SYS1: variants seen among roughly 807,000 people sequenced by gnomAD.
SYS1 encodes the protein protein SYS1 homolog.
SYS1 carries 8 observed loss-of-function variants against 17.8 expected under a neutral mutation model. That is an observed-to-expected ratio of 0.45 (90% CI 0.26 to 0.81). SYS1 has a LOEUF of 0.81. SYS1 is among the 40% of genes least tolerant of loss of function. The pLI, the probability that SYS1 is intolerant of heterozygous loss-of-function variation, is 0.16. For synonymous variants in SYS1, 95 were observed against 90.9 expected (o/e 1.05, Z -0.26); for missense variants, 161 against 203.9 (o/e 0.79, Z 1.28).
rs766710966 is a variant in SYS1 at position 45,363,622 on chromosome 20, G to A, written c.91G>A (p.Gly31Ser). ...LMQTVYYGSL[G>S]LWLALVDGLV... is the part of the protein sequence containing the mutation. The stretch of plus-strand genomic sequence containing the variant: ...GCAGACCGTGTATTACGGCTCGCTG[G>A]GCCTGTGGCTGGCGCTGGTGGACGG... The change falls in exon 2 of 4, where the codon GGC becomes AGC. Residue 31 changes from glycine (G) to serine (S), a missense_variant. Physicochemically the swap from Gly to Ser is moderately conservative, Grantham distance 56. Coordinates refer to ENST00000243918, the MANE Select transcript of SYS1 (RefSeq NM_033542.4). 1 of 1,589,562 alleles carries A rather than the reference G, an allele frequency of 6.3e-7. No individual in the cohort carries two copies.
At chr20:45,363,136 T>G (rs1304026436), upstream of SYS1, 1 of 1,018,368 alleles carries the variant, frequency 9.8e-7, no homozygotes, top group Non-Finnish European at 1.2e-6. Flanking sequence ...GCCCCTCCGC[T>G]GCTTTCCCCG....
At chr20:45,371,457 C>A (rs1400032498), downstream of SYS1, among the ~76,000 whole-genome samples, 1 of 152,180 alleles carries the variant, frequency 6.6e-6, no homozygotes, top group Non-Finnish European at 1.5e-5. Flanking sequence ...TCCTATCTGG[C>A]ATGTACTGCA....
At chr20:45,373,561 T>C, downstream of SYS1, 1 of 345,686 alleles carries the variant, frequency 2.9e-6, no homozygotes, top group Non-Finnish European at 5.5e-6. Context: ...CCTGCCACTT[T>C]CTAGCTGAGT....
intron 3 of SYS1, among the ~76,000 whole-genome samples, chr20:45,366,352 G>A (rs78852634): frequency 0.011 from 1,689 of 152,286 alleles, 17 homozygotes; most frequent in Non-Finnish European, 0.016. Flanking sequence ...TCCTTACACC[G>A]GAGGTTGAAA....
chr20:45,363,313 C>G lies in SYS1; in HGVS notation c.-6C>G, dbSNP rs1462968318. 8.7e-6 allele frequency: 12 copies of G among 1,377,164 alleles called. No individual in the cohort carries two copies. The highest frequency in any genetic ancestry group is 1.1e-5 in the Non-Finnish European group (12 of 1,064,814). 85.3% of individuals were successfully genotyped at this position (1,377,164 alleles called of 1,614,324 possible). Reference sequence around the variant, plus strand: ...GACACTTCGATCGTCGAGTCTGTCACTGGTGAGTAGACCCCAGAGGAGCTC... The same window carrying G: ...GACACTTCGATCGTCGAGTCTGTCAGTGGTGAGTAGACCCCAGAGGAGCTC... On this transcript the variant is annotated splice_region_variant and 5_prime_UTR_variant, in exon 1 of 4. Transcript: ENST00000243918.
chr20:45,364,447 G>A (rs1191941395), intron 2 of SYS1, among the ~76,000 whole-genome samples: 9 of 150,686 alleles, frequency 6.0e-5, no homozygotes, highest in Admixed American at 4.6e-4. Flanking sequence ...CAGCTGTGGC[G>A]TGGTGATGAG....
chr20:45,363,730 C>T (rs774755293), intron 2 of SYS1, 37 bp downstream of exon 2: 14 of 1,539,900 alleles, frequency 9.1e-6, no homozygotes, highest in African/African-American at 4.1e-5. Context: ...GGGTCTCGGC[C>T]TCCCCGAGTA....
At chr20:45,366,591 GC>G (rs74623179) in intron 3 of SYS1, among the ~76,000 whole-genome samples, 2 of 152,070 alleles carry the variant, frequency 1.3e-5, no homozygotes, top group African/African-American at 4.8e-5. Flanking sequence ...AGTAGCTACT[GC>G]CCCCCTTTAG....
chr20:45,370,526 C>T (rs972163250), downstream of SYS1, among the ~76,000 whole-genome samples: 2 of 152,118 alleles, frequency 1.3e-5, no homozygotes, highest in African/African-American at 2.4e-5. Context: ...TCGCTCTAGG[C>T]AGCCCTGTCC....
exon 4 of SYS1, chr20:45,375,665 C>G (rs1988709934): frequency 7.5e-7 from 1 of 1,327,552 alleles, no homozygotes; most frequent in South Asian, 1.4e-5. Context: ...GAGGGGCCTG[C>G]AAAGAAACTT....
chr20:45,366,924 T>A lies in SYS1; in HGVS notation c.280T>A (p.Phe94Ile). Residue 94 changes from phenylalanine to isoleucine, a missense_variant, in exon 4 of 4, where the codon TTC becomes ATC. Phe to Ile is a conservative substitution (Grantham distance 21). Coordinates refer to ENST00000243918, the MANE Select transcript of SYS1 (RefSeq NM_033542.4). ...FIRRGKQCLD[F>I]TVTVHFFHLL... is the part of the protein sequence containing the mutation. ...CCGGCGAGGAAAGCAGTGTCTGGAT[T>A]TCACTGTCACTGTCCATTTCTTTCA... 6.2e-7 allele frequency: 1 copy of A among 1,614,198 alleles called. No individual in the cohort carries two copies. Among genetic ancestry groups the A allele is most frequent in the Non-Finnish European group, 8.5e-7 (1 of 1,180,034 alleles).
In SYS1 at chr20:45,365,633, C is replaced by T. The variant is rs775774845; in HGVS notation, c.177C>T (p.Ser59=). ...QMFDAEILGF[S]TPPGRLSMMS... Reference sequence around the variant, plus strand: ...TTCCCCCTCAGATCCTGGGCTTTTCCACCCCTCCAGGCCGGCTCTCCATGA... The same window carrying T: ...TTCCCCCTCAGATCCTGGGCTTTTCTACCCCTCCAGGCCGGCTCTCCATGA... Residue 59 remains serine, a synonymous_variant, in exon 3 of 4, where the codon TCC becomes TCT. Coordinates refer to ENST00000243918, the MANE Select transcript of SYS1 (RefSeq NM_033542.4). 30 of 1,614,046 alleles carry T rather than the reference C, an allele frequency of 1.9e-5. No individual in the cohort carries two copies. The African/African-American group carries it at 2.0e-4, about 11-fold the overall frequency.
At chr20:45,371,543 CAG>C (rs1245069603), downstream of SYS1, among the ~76,000 whole-genome samples, 3 of 152,284 alleles carry the variant, frequency 2.0e-5, no homozygotes, top group Non-Finnish European at 4.4e-5. Context: ...GACAAAGAAA[CAG>C]AGGATTGGGA....
chr20:45,363,605 T>C lies in SYS1; in HGVS notation c.74T>C (p.Val25Ala), dbSNP rs1239123530. 6.2e-7 allele frequency: 1 copy of C among 1,604,484 alleles called. No homozygotes were observed. Among genetic ancestry groups the C allele is most frequent in the South Asian group, 1.1e-5 (1 of 89,364 alleles). Residue 25 changes from valine to alanine, a missense_variant, in exon 2 of 4, where the codon GTG becomes GCG. Transcript: ENST00000243918. The part of the protein sequence containing the change: ...ILSQIVLMQT[V>A]YYGSLGLWLA... ...TCGCAGATCGTCCTCATGCAGACCGTGTATTACGGCTCGCTGGGCCTGTGG... is the reference window on the plus strand; with the variant it reads ...TCGCAGATCGTCCTCATGCAGACCGCGTATTACGGCTCGCTGGGCCTGTGG...
chr20:45,373,885 C>T (rs778114060), downstream of SYS1: 1 of 1,606,230 alleles, frequency 6.2e-7, no homozygotes, highest in East Asian at 2.2e-5. Flanking sequence ...CAGTATTCGT[C>T]TTAGGTGCCA....
downstream of SYS1, among the ~76,000 whole-genome samples, chr20:45,372,375 G>A (rs1436245746): frequency 1.3e-5 from 2 of 152,240 alleles, no homozygotes; most frequent in Non-Finnish European, 2.9e-5. Flanking sequence ...CTGGAGCAAA[G>A]TGGAAGTTGC....
In SYS1 at chr20:45,368,254, T is replaced by A; in HGVS notation, c.*1139T>A. ...GAGTCATTCCTCCATTTGGTTAAAA[T>A]ACTCAGTGCAGGGAACTCTTACATC... On this transcript the variant is annotated 3_prime_UTR_variant, in exon 4 of 4. Transcript: ENST00000243918. 5 of 985,444 alleles carry A rather than the reference T, an allele frequency of 5.1e-6. No homozygotes were observed. Among genetic ancestry groups the A allele is most frequent in the Non-Finnish European group, 6.0e-6 (5 of 829,942 alleles). 61.0% of individuals were successfully genotyped at this position (985,444 alleles called of 1,614,324 possible). A position where few individuals can be genotyped will look rare whatever the true frequency, so the allele number is the denominator to read the frequency against.
chr20:45,370,341 A>G (rs1484633787), downstream of SYS1, among the ~76,000 whole-genome samples: 2 of 152,062 alleles, frequency 1.3e-5, no homozygotes, highest in East Asian at 3.9e-4. Context: ...ATATCTCTTA[A>G]CTCTCCAGGT....
At chr20:45,372,776 T>C (rs1988593384), downstream of SYS1, 2 of 152,106 alleles carry the variant, frequency 1.3e-5, no homozygotes, top group Admixed American at 6.5e-5. Flanking sequence ...TCCAGGAAGA[T>C]TGCGCTGGGA....
Sources: gnomAD v4.1 joint callset for allele counts (sites outside exome capture counted in the v4.1 genomes callset) on GRCh38, gnomAD v4.1.1 for gene constraint, MANE v1.5 for transcripts, NCBI Gene and HGNC (gene_info 2026-07-23, HGNC 2026-07-21) for gene names.